KALRN: variants seen among roughly 807,000 people sequenced by gnomAD.
The protein encoded by KALRN is kalirin.
A neutral mutation model predicts 353.7 loss-of-function variants in KALRN; 70 were observed. The observed-to-expected ratio is 0.20, with a 90% CI of 0.16 to 0.24. The LOEUF (loss-of-function observed/expected upper bound fraction) is 0.24, where lower values mean the gene tolerates loss of function less well. Ranked by LOEUF, KALRN falls within the 10% of genes least tolerant of loss-of-function variation. The pLI is 1.00. For synonymous variants in KALRN, 1,391 were observed against 1,434.8 expected (o/e 0.97, Z 0.69); for missense variants, 2,791 against 3,756.7 (o/e 0.74, Z 6.72).
chr3:124,723,056 G>A lies in KALRN; in HGVS notation c.*3586G>A, dbSNP rs1218323304. ...TGGTAAAATTTTTAAGAAAAAAATGGTAATGTTGGAGATATCCTTCAGGTC... is the reference window on the plus strand; with the variant it reads ...TGGTAAAATTTTTAAGAAAAAAATGATAATGTTGGAGATATCCTTCAGGTC... On this transcript the variant is annotated 3_prime_UTR_variant, in exon 60 of 60. Coordinates refer to ENST00000682506, the MANE Select transcript of KALRN (RefSeq NM_001388419.1). The A allele has an allele frequency of 1.3e-5, 2 of 152,108 alleles. No individual in the cohort carries two copies. Among genetic ancestry groups the A allele is most frequent in the African/African-American group, 4.8e-5 (2 of 41,410 alleles). The allele number at this position is 152,108 out of a possible 1,614,324, so 9.4% of individuals were successfully genotyped here. A position where few individuals can be genotyped will look rare whatever the true frequency, so the allele number is the denominator to read the frequency against.
chr3:124,051,203 C>G (rs531291074), intron 1 of KALRN, among the ~76,000 whole-genome samples: 1 of 152,158 alleles, frequency 6.6e-6, no homozygotes, highest in Non-Finnish European at 1.5e-5. Flanking sequence ...GGGCATATGA[C>G]GCAGTCTCTG....
chr3:124,343,156 G>C (rs892056007), intron 9 of KALRN, among the ~76,000 whole-genome samples: 1 of 152,166 alleles, frequency 6.6e-6, no homozygotes, highest in Non-Finnish European at 1.5e-5. Flanking sequence ...AAAGCAGTCA[G>C]AGCAATATAT....
chr3:124,300,028 T>C (rs1220515752), intron 6 of KALRN, among the ~76,000 whole-genome samples: 2 of 152,146 alleles, frequency 1.3e-5, no homozygotes, highest in Non-Finnish European at 2.9e-5. Context: ...TAGCTGGTGA[T>C]GTTGGGAGTG....
At chr3:124,551,256 A>C (rs1280996029) in intron 33 of KALRN, among the ~76,000 whole-genome samples, 2 of 152,196 alleles carry the variant, frequency 1.3e-5, no homozygotes, top group African/African-American at 4.8e-5. Flanking sequence ...TAAGTGGGTT[A>C]ACCTGAGCAA....
At chr3:124,384,821 T>C in intron 10 of KALRN, 24 bp from the exon 11 acceptor site, 1 of 1,553,420 alleles carries the variant, frequency 6.4e-7, no homozygotes, top group Non-Finnish European at 8.8e-7. Context: ...CAACTTGACT[T>C]TGCCTCACTG....
intron 1 of KALRN, among the ~76,000 whole-genome samples, chr3:124,222,231 A>G (rs1255481928): frequency 6.6e-6 from 1 of 152,222 alleles, no homozygotes; most frequent in African/African-American, 2.4e-5. Flanking sequence ...AGCAGTTTGG[A>G]CAGGTGTTAT....
At chr3:124,606,669 G>C (rs964642126) in intron 34 of KALRN, among the ~76,000 whole-genome samples, 1 of 152,098 alleles carries the variant, frequency 6.6e-6, no homozygotes, top group Non-Finnish European at 1.5e-5. Context: ...CAAATGTAAA[G>C]ACACTATAAA....
chr3:124,172,893 C>G (rs935530357), intron 1 of KALRN, among the ~76,000 whole-genome samples: 1 of 152,150 alleles, frequency 6.6e-6, no homozygotes, highest in East Asian at 1.9e-4. Context: ...CCTATTTCCT[C>G]ATTGACCAAT....
chr3:124,518,929 T>C, intron 33 of KALRN: 1 of 1,001,576 alleles, frequency 1.0e-6, no homozygotes, highest in Non-Finnish European at 1.2e-6. Context: ...AAACCCATCA[T>C]TCTAATCTAG....
At chr3:124,678,061 T>C in intron 49 of KALRN, 129 bp from the exon 50 acceptor site, 1 of 951,552 alleles carries the variant, frequency 1.1e-6, no homozygotes, top group Non-Finnish European at 1.6e-6. Context: ...GGTGTGCAGG[T>C]TTGGGGCCTC....
intron 1 of KALRN, among the ~76,000 whole-genome samples, chr3:124,136,491 C>T (rs144079004): frequency 7.2e-5 from 11 of 151,864 alleles, no homozygotes; most frequent in African/African-American, 2.7e-4. Context: ...TGCCAAGGTC[C>T]CCCCCCCATT....
intron 5 of KALRN, among the ~76,000 whole-genome samples, chr3:124,282,678 C>T (rs947892671): frequency 6.6e-6 from 1 of 152,184 alleles, no homozygotes; most frequent in Non-Finnish European, 1.5e-5. Flanking sequence ...CGCCTGGCCT[C>T]TAACCTACTT....
chr3:124,608,487 G>C (rs2077590358), intron 34 of KALRN, among the ~76,000 whole-genome samples: 1 of 152,158 alleles, frequency 6.6e-6, no homozygotes, highest in Admixed American at 6.5e-5. Flanking sequence ...AGCACCCAGA[G>C]ACTAGTTGCT....
At chr3:124,111,785 A>C (rs1323048922) in intron 1 of KALRN, among the ~76,000 whole-genome samples, 1 of 152,188 alleles carries the variant, frequency 6.6e-6, no homozygotes, top group Non-Finnish European at 1.5e-5. Flanking sequence ...AAATATAATA[A>C]ATTTATTTAA....
At chr3:124,134,659 G>T (rs959544220) in intron 1 of KALRN, among the ~76,000 whole-genome samples, 1 of 151,968 alleles carries the variant, frequency 6.6e-6, no homozygotes, top group Non-Finnish European at 1.5e-5. Flanking sequence ...AATCTACAAC[G>T]GACTCAGACA....
At chr3:124,263,004 C>T (rs2073074632) in intron 3 of KALRN, among the ~76,000 whole-genome samples, 1 of 149,876 alleles carries the variant, frequency 6.7e-6, no homozygotes, top group African/African-American at 2.5e-5. Context: ...GCTTTAAAAA[C>T]ATAAGAGAAG....
intron 2 of KALRN, among the ~76,000 whole-genome samples, chr3:124,229,603 T>C (rs774658587): frequency 1.3e-5 from 2 of 152,042 alleles, no homozygotes; most frequent in Non-Finnish European, 2.9e-5. Context: ...ACAGCCAAAA[T>C]AGAGAGAAGA....
At chr3:124,092,592 T>G (rs2061183599) in intron 1 of KALRN, among the ~76,000 whole-genome samples, 1 of 152,226 alleles carries the variant, frequency 6.6e-6, no homozygotes, top group South Asian at 2.1e-4. Flanking sequence ...GAAACAGCAG[T>G]GTTTCCCCAG....
At chr3:124,200,375 A>G (rs1232453234) in intron 1 of KALRN, among the ~76,000 whole-genome samples, 1 of 152,200 alleles carries the variant, frequency 6.6e-6, no homozygotes, top group Non-Finnish European at 1.5e-5. Context: ...GAAATCCAGG[A>G]TCAAGGTGCC....
Sources: allele counts gnomAD v4.1 joint callset (sites outside exome capture counted in the v4.1 genomes callset), GRCh38; gene constraint gnomAD v4.1.1; transcripts MANE v1.5; gene names NCBI Gene and HGNC (gene_info 2026-07-23, HGNC 2026-07-21).